The following DEPTOR variants were observed in gnomAD, a reference collection of about 807,000 sequenced individuals.
The protein encoded by DEPTOR is DEP domain-containing mTOR-interacting protein.
DEPTOR carries 41 observed loss-of-function variants against 41.6 expected under a neutral mutation model. The observed-to-expected ratio is 0.98, with a 90% CI of 0.77 to 1.28. DEPTOR has a LOEUF of 1.28. Ranked by LOEUF, DEPTOR falls within the 50% of genes most tolerant of loss-of-function variation. The probability of loss-of-function intolerance (pLI) is 0.00; values close to 1 mark genes in which losing one functional copy is unlikely to be tolerated. For missense variants in DEPTOR, 514 were observed against 527.9 expected (o/e 0.97, Z 0.26); for synonymous variants, 195 against 192.3 (o/e 1.01, Z -0.12).
At chr8:119,966,756 C>T (rs1828567656) in intron 4 of DEPTOR, among the ~76,000 whole-genome samples, 2 of 152,018 alleles carry the variant, frequency 1.3e-5, no homozygotes, top group African/African-American at 4.8e-5. Context: ...GGATTACAGG[C>T]GTGAACAACC....
chr8:119,899,745 T>C (rs1827563053), intron 1 of DEPTOR, among the ~76,000 whole-genome samples: 1 of 152,238 alleles, frequency 6.6e-6, no homozygotes. Flanking sequence ...AGTTCTTAAA[T>C]GTCTCTGGAA....
chr8:120,011,716 AC>A (rs1325118018), intron 8 of DEPTOR, among the ~76,000 whole-genome samples: 1 of 152,238 alleles, frequency 6.6e-6, no homozygotes, highest in Admixed American at 6.5e-5. Flanking sequence ...TTGTTGATGT[AC>A]ATACATAACC....
intron 4 of DEPTOR, among the ~76,000 whole-genome samples, chr8:119,990,729 A>G (rs545818100): frequency 1.7e-4 from 26 of 152,250 alleles, no homozygotes; most frequent in Non-Finnish European, 3.5e-4. Flanking sequence ...ATCAGTTAAT[A>G]GGACTTTATG....
intron 1 of DEPTOR, among the ~76,000 whole-genome samples, chr8:119,918,559 C>G (rs1449556681): frequency 6.6e-6 from 1 of 152,104 alleles, no homozygotes; most frequent in African/African-American, 2.4e-5. Context: ...CTCCTGGGTT[C>G]AAGTGATTCT....
chr8:119,905,977 C>A (rs892286842), intron 1 of DEPTOR, among the ~76,000 whole-genome samples: 38 of 152,074 alleles, frequency 2.5e-4, no homozygotes, highest in Admixed American at 2.3e-3. Context: ...TTTATTTTTA[C>A]AGAGACAGCA....
chr8:119,975,948 T>G (rs1037552914), intron 4 of DEPTOR, among the ~76,000 whole-genome samples: 4 of 142,410 alleles, frequency 2.8e-5, no homozygotes, highest in African/African-American at 1.1e-4. Flanking sequence ...TGAACCGAGA[T>G]TGTGCTGGGT....
intron 1 of DEPTOR, among the ~76,000 whole-genome samples, chr8:119,884,694 T>G (rs149163639): frequency 0.065 from 9,888 of 151,730 alleles, 452 homozygotes; most frequent in Non-Finnish European, 0.09. Context: ...CAAACACATA[T>G]AATGAGTGTA....
chr8:119,956,262 A>C (rs892719085), intron 3 of DEPTOR, among the ~76,000 whole-genome samples: 3 of 152,356 alleles, frequency 2.0e-5, no homozygotes, highest in Non-Finnish European at 2.9e-5. Flanking sequence ...AAATCCCACG[A>C]AAGGCGTGGT....
At chr8:119,878,406 G>T (rs1361253073) in intron 1 of DEPTOR, among the ~76,000 whole-genome samples, 7 of 150,276 alleles carry the variant, frequency 4.7e-5, no homozygotes, top group Non-Finnish European at 8.9e-5. Context: ...TGCAACCTTC[G>T]CCTCCCAGGT....
chr8:119,917,755 C>T (rs1291705656), intron 1 of DEPTOR, among the ~76,000 whole-genome samples: 1 of 152,100 alleles, frequency 6.6e-6, no homozygotes, highest in Non-Finnish European at 1.5e-5. Context: ...GAGGAAGGAA[C>T]GCCTCTTTGC....
At chr8:119,961,717 CAT>C (rs1248330655) in intron 3 of DEPTOR, among the ~76,000 whole-genome samples, 1 of 152,100 alleles carries the variant, frequency 6.6e-6, no homozygotes, top group Non-Finnish European at 1.5e-5. Flanking sequence ...ACATTTTTCT[CAT>C]GTGAATAAAG....
chr8:119,965,278 G>T lies in DEPTOR; in HGVS notation c.472G>T (p.Gly158Trp). Reference protein sequence around the residue: ...NTLLQPREEEGVKYERTFMAS... With the variant: ...NTLLQPREEEWVKYERTFMAS... The stretch of plus-strand genomic sequence containing the variant: ...ACTCCTGCAGCCCAGGGAGGAGGAA[G>T]GGGTCAAGTATGAGCGCACCTTCAT... Residue 158 changes from glycine (G) to tryptophan (W), a missense_variant, in exon 4 of 9, where the codon GGG (glycine) becomes TGG (tryptophan). Physicochemically the swap from Gly to Trp is radical, Grantham distance 184. Transcript: ENST00000286234. 6.2e-7 allele frequency: 1 copy of T among 1,614,148 alleles called. No individual in the cohort carries two copies. Among genetic ancestry groups the T allele is most frequent in the South Asian group, 1.1e-5 (1 of 91,066 alleles).
chr8:120,017,487 C>T (rs1402083716), intron 8 of DEPTOR, among the ~76,000 whole-genome samples: 1 of 152,208 alleles, frequency 6.6e-6, no homozygotes, highest in Admixed American at 6.5e-5. Flanking sequence ...CGTGACCTTT[C>T]GTGTCTTCCG....
At chr8:119,895,308 T>G (rs955066124) in intron 1 of DEPTOR, among the ~76,000 whole-genome samples, 2 of 152,228 alleles carry the variant, frequency 1.3e-5, no homozygotes, top group African/African-American at 4.8e-5. Context: ...TGCACATTTC[T>G]GTCCTGTTTG....
intron 8 of DEPTOR, among the ~76,000 whole-genome samples, chr8:120,015,109 A>G (rs1812589159): frequency 6.6e-6 from 1 of 152,064 alleles, no homozygotes; most frequent in South Asian, 2.1e-4. Context: ...AAATACTCTA[A>G]TGGCTCCCCA....
chr8:119,992,412 C>G (rs1428536781), intron 4 of DEPTOR, among the ~76,000 whole-genome samples: 1 of 152,140 alleles, frequency 6.6e-6, no homozygotes, highest in Non-Finnish European at 1.5e-5. Flanking sequence ...CTGTTTAAGT[C>G]TGTTTTCAGT....
At chr8:119,992,184 G>T (rs1445840469) in intron 4 of DEPTOR, among the ~76,000 whole-genome samples, 1 of 152,172 alleles carries the variant, frequency 6.6e-6, no homozygotes, top group Non-Finnish European at 1.5e-5. Flanking sequence ...TGAATGGTTG[G>T]ATAGAGTGCC....
chr8:119,896,749 C>T (rs1266791341), intron 1 of DEPTOR, among the ~76,000 whole-genome samples: 2 of 152,118 alleles, frequency 1.3e-5, no homozygotes, highest in African/African-American at 4.8e-5. Flanking sequence ...CCTCCTGCCT[C>T]GGCCCCGCAA....
intron 3 of DEPTOR, among the ~76,000 whole-genome samples, chr8:119,943,539 G>A (rs982359344): frequency 2.0e-5 from 3 of 152,072 alleles, no homozygotes; most frequent in Non-Finnish European, 4.4e-5. Context: ...TCCCACCCAG[G>A]TCCCTCCCTC....
Sources: allele counts gnomAD v4.1 joint callset (sites outside exome capture counted in the v4.1 genomes callset), GRCh38; gene constraint gnomAD v4.1.1; transcripts MANE v1.5; gene names NCBI Gene and HGNC (gene_info 2026-07-23, HGNC 2026-07-21).